The following PREX2 variants were observed in gnomAD, a reference collection of about 807,000 sequenced individuals.
The protein encoded by PREX2 is phosphatidylinositol-3,4,5-trisphosphate dependent Rac exchange factor 2, also known as phosphatidylinositol 3,4,5-trisphosphate-dependent Rac exchanger 2 protein.
In PREX2, 107 loss-of-function variants were observed where a neutral mutation model predicts 203.2. The ratio of observed to expected loss-of-function variants is 0.53; its 90% CI spans 0.45 to 0.62. The LOEUF (loss-of-function observed/expected upper bound fraction) is 0.62, where lower values mean the gene tolerates loss of function less well. PREX2 is among the 20% of genes least tolerant of loss of function. The probability of loss-of-function intolerance (pLI) is 0.00; values close to 1 mark genes in which losing one functional copy is unlikely to be tolerated. For missense variants in PREX2, 1,777 were observed against 1,955.9 expected (o/e 0.91, Z 1.72); for synonymous variants, 672 against 663.6 (o/e 1.01, Z -0.19).
At chr8:67,957,057 G>A (rs1485311381) in intron 1 of PREX2, among the ~76,000 whole-genome samples, 1 of 152,190 alleles carries the variant, frequency 6.6e-6, no homozygotes, top group Non-Finnish European at 1.5e-5. Flanking sequence ...TCATAAGAGG[G>A]TCCTATAAGT....
At chr8:67,965,562 A>G (rs910167603) in intron 1 of PREX2, among the ~76,000 whole-genome samples, 1 of 152,042 alleles carries the variant, frequency 6.6e-6, no homozygotes, top group Non-Finnish European at 1.5e-5. Flanking sequence ...CACACTGTCC[A>G]AAATGTGTGT....
rs751905686 is a variant in PREX2, at chr8:68,030,600, G to A, written c.647G>A (p.Arg216Lys). ...TGTTCCAACATAAACGAGGCCAAGA[G>A]ACAGATGGAGAAGTTAGAAGTTTTA... ...AVCSNINEAK[R>K]QMEKLEVLEE... The change falls in exon 6 of 40, where the codon AGA (arginine) becomes AAA (lysine). Residue 216 changes from arginine to lysine, a missense_variant. Coordinates refer to ENST00000288368, the MANE Select transcript of PREX2 (RefSeq NM_024870.4). 5.6e-5 allele frequency: 90 copies of A among 1,613,620 alleles called. No homozygotes were observed. The highest frequency in any genetic ancestry group is 7.5e-5 in the Non-Finnish European group (88 of 1,179,730).
At chr8:68,065,954 G>T (rs548953088) in intron 11 of PREX2, among the ~76,000 whole-genome samples, 1 of 152,212 alleles carries the variant, frequency 6.6e-6, no homozygotes, top group Admixed American at 6.5e-5. Flanking sequence ...AACATGTTTT[G>T]AAATATGTGT....
At chr8:68,158,251 A>AT (rs1358806327) in intron 35 of PREX2, among the ~76,000 whole-genome samples, 2 of 151,810 alleles carry the variant, frequency 1.3e-5, no homozygotes, top group Non-Finnish European at 2.9e-5. Context: ...TAAGGCTTTT[A>AT]TTTTTAAAAG....
chr8:67,975,282 T>G (rs1345552998), intron 1 of PREX2, among the ~76,000 whole-genome samples: 1 of 145,766 alleles, frequency 6.9e-6, no homozygotes, highest in Non-Finnish European at 1.5e-5. Context: ...GTTTTTTTTT[T>G]TTTTTTTTTT....
chr8:68,122,784 G>T (rs181694325), intron 30 of PREX2, among the ~76,000 whole-genome samples: 32 of 152,174 alleles, frequency 2.1e-4, no homozygotes, highest in African/African-American at 7.5e-4. Flanking sequence ...TCAAGGGCAG[G>T]TTATTCAATA....
chr8:68,009,039 T>C (rs940091427), intron 1 of PREX2, among the ~76,000 whole-genome samples: 4 of 152,202 alleles, frequency 2.6e-5, no homozygotes, highest in Non-Finnish European at 5.9e-5. Context: ...TATAAATCTT[T>C]CTTTTATACC....
intron 1 of PREX2, among the ~76,000 whole-genome samples, chr8:68,003,273 C>G (rs1269574560): frequency 6.6e-6 from 1 of 152,102 alleles, no homozygotes; most frequent in East Asian, 1.9e-4. Flanking sequence ...ACCTCAGCCT[C>G]CTGAGTGGCT....
intron 27 of PREX2, chr8:68,118,862 A>G: frequency 1.5e-6 from 1 of 679,822 alleles, no homozygotes; most frequent in East Asian, 3.0e-5. Flanking sequence ...GAAATAAGCA[A>G]ACTAATTGTA....
intron 37 of PREX2, among the ~76,000 whole-genome samples, chr8:68,202,509 G>A (rs913191933): frequency 6.6e-6 from 1 of 152,200 alleles, no homozygotes; most frequent in African/African-American, 2.4e-5. Context: ...ATCATGGTCT[G>A]TAATGGGACA....
intron 34 of PREX2, among the ~76,000 whole-genome samples, chr8:68,151,747 A>G (rs941388736): frequency 6.6e-6 from 1 of 151,486 alleles, no homozygotes; most frequent in African/African-American, 2.4e-5. Context: ...CTCTGCCAGC[A>G]TGCTCTTGAG....
chr8:67,952,557 A>AG (rs756409754), intron 1 of PREX2, 22 bp downstream of exon 1: 1 of 1,603,316 alleles, frequency 6.2e-7, no homozygotes, highest in African/African-American at 1.3e-5. Flanking sequence ...CGGCAGACGC[A>AG]GGGGGACGTC....
rs1176584982 is a variant in PREX2 at position 68,232,010 on chromosome 8, A to G, written c.*632A>G. The G allele has an allele frequency of 1.3e-5, 2 of 152,180 alleles. No homozygotes were observed. Among genetic ancestry groups the G allele is most frequent in the African/African-American group, 4.8e-5 (2 of 41,428 alleles). 9.4% of individuals were successfully genotyped at this position (152,180 alleles called of 1,614,324 possible). On this transcript the variant is annotated 3_prime_UTR_variant, in exon 40 of 40. Coordinates refer to ENST00000288368, the MANE Select transcript of PREX2 (RefSeq NM_024870.4). Reference sequence around the variant, plus strand: ...CTGACTAAGGCCTCCAGCAGGACTCACTTTCTTCTAGCTGCCTTTGGGCAT... The same window carrying G: ...CTGACTAAGGCCTCCAGCAGGACTCGCTTTCTTCTAGCTGCCTTTGGGCAT...
Position 68,108,350 on chromosome 8 carries a change from C to G in PREX2, c.2938+19C>G, listed in dbSNP as rs755265492. 6.3e-7 allele frequency: 1 copy of G among 1,585,040 alleles called. No homozygotes were observed. The highest frequency in any genetic ancestry group is 1.1e-5 in the South Asian group (1 of 89,600). On this transcript the variant is annotated intron_variant, in intron 24 of 39. Transcript: ENST00000288368. ...GAGCAAGGTATGCTAGCTTTTGCAACTTTATCAAATCATGAAAAGCAATTT... is the reference window on the plus strand; with the variant it reads ...GAGCAAGGTATGCTAGCTTTTGCAAGTTTATCAAATCATGAAAAGCAATTT...
chr8:68,088,147 T>C (rs1230623301), intron 19 of PREX2, among the ~76,000 whole-genome samples: 3 of 152,202 alleles, frequency 2.0e-5, no homozygotes, highest in Non-Finnish European at 4.4e-5. Flanking sequence ...AATCCAAAGT[T>C]GTGAGTTTTT....
rs58916146 is a variant in PREX2 at position 67,999,478 on chromosome 8, C to CAAAAAAAAAAAAAAA, written c.142-18365_142-18351dup. Among the ~76,000 whole-genome samples, 16 of 92,090 alleles carry CAAAAAAAAAAAAAAA rather than the reference C, an allele frequency of 1.7e-4. 1 individual carries two copies. The highest frequency in any genetic ancestry group is 3.3e-4 in the East Asian group (1 of 3,066). The allele number at this position is 92,090 out of a possible 152,430, so 60.4% of individuals were successfully genotyped here. ...AATCAGTAATAAATAGCCAACAAAC[C>CAAAAAAAAAAAAAAA]AAAAAAAAAAAAAAAAAGCCCAGAA... On this transcript the variant is annotated intron_variant, in intron 1 of 39. Coordinates refer to ENST00000288368, the MANE Select transcript of PREX2 (RefSeq NM_024870.4).
chr8:68,038,177 A>G lies in PREX2; in HGVS notation c.724A>G (p.Thr242Ala), dbSNP rs779309563. ...EGWEGSNITD[T>A]CTEMLMCGVL... ...GACTTAGGGGTCCAACATCACTGAC[A>G]CCTGCACTGAAATGCTAATGTGTGG... The change falls in exon 7 of 40, where the codon ACC (threonine) becomes GCC (alanine). Residue 242 changes from threonine to alanine, a missense_variant. Thr to Ala is a moderately conservative substitution (Grantham distance 58). Transcript: ENST00000288368. 6 of 1,613,698 alleles carry G rather than the reference A, an allele frequency of 3.7e-6. No individual in the cohort carries two copies. Among genetic ancestry groups the G allele is most frequent in the Non-Finnish European group, 5.1e-6 (6 of 1,179,752 alleles).
intron 24 of PREX2, 50 bp downstream of exon 24, chr8:68,108,381 A>G (rs756556106): frequency 7.4e-7 from 1 of 1,353,836 alleles, no homozygotes; most frequent in Non-Finnish European, 1.0e-6. Context: ...AATTTAGGCA[A>G]TCATAGCTAT....
intron 1 of PREX2, among the ~76,000 whole-genome samples, chr8:67,978,775 C>T (rs973277421): frequency 3.3e-5 from 5 of 152,074 alleles, no homozygotes; most frequent in Admixed American, 3.3e-4. Flanking sequence ...CTATAAGCCA[C>T]TCTAGAGTAT....
Sources: allele counts gnomAD v4.1 joint callset (sites outside exome capture counted in the v4.1 genomes callset), GRCh38; gene constraint gnomAD v4.1.1; transcripts MANE v1.5; gene names NCBI Gene and HGNC (gene_info 2026-07-23, HGNC 2026-07-21).